The following AKAP6 variants were observed in gnomAD, a reference collection of about 807,000 sequenced individuals.
AKAP6 encodes the protein A-kinase anchor protein 6.
AKAP6 carries 58 observed loss-of-function variants against 188.5 expected under a neutral mutation model. That is an observed-to-expected ratio of 0.31 (90% confidence interval 0.25 to 0.38). AKAP6 has a LOEUF of 0.38. AKAP6 is among the 10% of genes least tolerant of loss of function. The pLI is 1.00. For synonymous variants in AKAP6, 989 were observed against 998.6 expected (o/e 0.99, Z 0.18); for missense variants, 2,710 against 2,740.0 (o/e 0.99, Z 0.24).
At chr14:32,404,911 A>T (rs1282097067) in intron 1 of AKAP6, among the ~76,000 whole-genome samples, 2 of 148,850 alleles carry the variant, frequency 1.3e-5, no homozygotes, top group African/African-American at 2.5e-5. Context: ...GCAAGCAATA[A>T]CTGTATTCCA....
In AKAP6 at chr14:32,735,901, A is replaced by G. The variant is rs1231827665; in HGVS notation, c.3372+19A>G. The stretch of plus-strand genomic sequence containing the variant: ...CTTTAAGGTAATAAAAAAACAATCA[A>G]AGTTGATAAAAAGCTCTTTTTATGG... On this transcript the variant is annotated intron_variant, in intron 11 of 13. Transcript: ENST00000280979. The G allele has an allele frequency of 6.5e-7, 1 of 1,547,864 alleles. No individual in the cohort carries two copies. Among genetic ancestry groups the G allele is most frequent in the African/African-American group, 1.4e-5 (1 of 72,128 alleles).
At chr14:32,330,418 G>T (rs1379653119) in intron 1 of AKAP6, among the ~76,000 whole-genome samples, 1 of 151,940 alleles carries the variant, frequency 6.6e-6, no homozygotes, top group Non-Finnish European at 1.5e-5. Flanking sequence ...TGTCAGATAA[G>T]GAGCAGAATG....
chr14:32,827,415 ATATAACT>A (rs555283262), intron 13 of AKAP6, among the ~76,000 whole-genome samples: 15 of 152,030 alleles, frequency 9.9e-5, no homozygotes, highest in African/African-American at 3.6e-4. Flanking sequence ...CCCAGAAGAG[ATATAACT>A]TAGAATAGCA....
At chr14:32,613,896 A>C (rs1179210785) in intron 7 of AKAP6, among the ~76,000 whole-genome samples, 8 of 152,210 alleles carry the variant, frequency 5.3e-5, no homozygotes, top group Admixed American at 1.3e-4. Context: ...TCTCAAGTCA[A>C]TTAGACTAAA....
intron 2 of AKAP6, among the ~76,000 whole-genome samples, chr14:32,434,859 G>A (rs147340784): frequency 6.6e-6 from 1 of 152,276 alleles, no homozygotes; most frequent in East Asian, 1.9e-4. Context: ...TACAGAAAGT[G>A]TTCAAATGAG....
At chr14:32,789,691 A>G (rs1395820120) in intron 12 of AKAP6, among the ~76,000 whole-genome samples, 1 of 152,210 alleles carries the variant, frequency 6.6e-6, no homozygotes, top group Non-Finnish European at 1.5e-5. Context: ...CAATATCAAC[A>G]AAAAAGACCC....
chr14:32,759,274 T>C (rs1403406166), intron 11 of AKAP6, among the ~76,000 whole-genome samples: 2 of 152,188 alleles, frequency 1.3e-5, no homozygotes, highest in African/African-American at 4.8e-5. Flanking sequence ...TTGAAAGGTT[T>C]GATGTTGAAT....
At chr14:32,340,904 C>CCGAA (rs1886868725) in intron 1 of AKAP6, among the ~76,000 whole-genome samples, 1 of 152,170 alleles carries the variant, frequency 6.6e-6, no homozygotes, top group African/African-American at 2.4e-5. Flanking sequence ...CATGAGGGTT[C>CCGAA]CACCCTATGA....
intron 2 of AKAP6, among the ~76,000 whole-genome samples, chr14:32,468,241 G>A (rs1484318410): frequency 6.6e-6 from 1 of 152,130 alleles, no homozygotes; most frequent in Admixed American, 6.6e-5. Flanking sequence ...ATTTACTGAT[G>A]ACATTAATGA....
intron 1 of AKAP6, among the ~76,000 whole-genome samples, chr14:32,392,400 A>T (rs1215321705): frequency 6.6e-6 from 1 of 152,166 alleles, no homozygotes; most frequent in Non-Finnish European, 1.5e-5. Context: ...TGTGAATATG[A>T]ACTCATGGTT....
intron 1 of AKAP6, among the ~76,000 whole-genome samples, chr14:32,420,991 T>G (rs1889829656): frequency 6.6e-6 from 1 of 151,892 alleles, no homozygotes; most frequent in Non-Finnish European, 1.5e-5. Context: ...TAGTCTATAT[T>G]ATTCTTGGTA....
chr14:32,443,660 A>AC (rs1221275738), intron 2 of AKAP6, among the ~76,000 whole-genome samples: 14 of 152,104 alleles, frequency 9.2e-5, no homozygotes, highest in Admixed American at 9.2e-4. Flanking sequence ...ATTTAAATAC[A>AC]CTTTTTTTTC....
chr14:32,355,380 C>T (rs1388289089), intron 1 of AKAP6, among the ~76,000 whole-genome samples: 1 of 152,050 alleles, frequency 6.6e-6, no homozygotes. Context: ...CCAAGCCCTA[C>T]TACATAAATG....
chr14:32,376,636 T>C (rs1888165109), intron 1 of AKAP6, among the ~76,000 whole-genome samples: 1 of 152,240 alleles, frequency 6.6e-6, no homozygotes, highest in African/African-American at 2.4e-5. Context: ...TTTCAAAATG[T>C]GGATGTAAAG....
intron 5 of AKAP6, among the ~76,000 whole-genome samples, chr14:32,583,190 T>C (rs755993166): frequency 1.3e-5 from 2 of 152,232 alleles, no homozygotes; most frequent in Admixed American, 6.5e-5. Flanking sequence ...TTTCTGTTTG[T>C]TAGTTTTCCT....
At chr14:32,644,509 C>G (rs1887900041) in intron 7 of AKAP6, among the ~76,000 whole-genome samples, 1 of 152,116 alleles carries the variant, frequency 6.6e-6, no homozygotes, top group African/African-American at 2.4e-5. Context: ...GAGTTTGTTT[C>G]TAGGATGTTC....
chr14:32,663,000 A>G (rs926473155), intron 7 of AKAP6, among the ~76,000 whole-genome samples: 1 of 152,162 alleles, frequency 6.6e-6, no homozygotes, highest in African/African-American at 2.4e-5. Context: ...GGTGGTAAGA[A>G]GTTAGTGTAA....
intron 1 of AKAP6, among the ~76,000 whole-genome samples, chr14:32,389,854 G>C (rs72666181): frequency 6.6e-6 from 1 of 151,976 alleles, no homozygotes; most frequent in Non-Finnish European, 1.5e-5. Context: ...TGAATTTCCC[G>C]TGTGTTCTTG....
At chr14:32,335,942 T>TC (rs1232154730) in intron 1 of AKAP6, among the ~76,000 whole-genome samples, 1 of 150,644 alleles carries the variant, frequency 6.6e-6, no homozygotes, top group East Asian at 1.9e-4. Flanking sequence ...TTTTTTTTTT[T>TC]CAATTTAAAA....
Sources: allele counts gnomAD v4.1 joint callset (sites outside exome capture counted in the v4.1 genomes callset), GRCh38; gene constraint gnomAD v4.1.1; transcripts MANE v1.5; gene names NCBI Gene and HGNC (gene_info 2026-07-23, HGNC 2026-07-21).